Variants in TRANK1 observed in about 807,000 individuals in gnomAD.
The protein encoded by TRANK1 is TPR and ankyrin repeat-containing protein 1.
A neutral mutation model predicts 266.0 loss-of-function variants in TRANK1; 198 were observed. The ratio of observed to expected loss-of-function variants is 0.74; its 90% CI spans 0.66 to 0.84. The LOEUF is 0.84. Among genes scored for constraint, TRANK1 ranks in the 40% least tolerant of loss-of-function variants. The pLI, the probability that TRANK1 is intolerant of heterozygous loss-of-function variation, is 0.00. For missense variants in TRANK1, 3,326 were observed against 3,634.6 expected, an observed-to-expected ratio of 0.92 and a Z score of 2.18; for synonymous variants, 1,396 against 1,384.1, an observed-to-expected ratio of 1.01 and a Z score of -0.19.
rs760269101 is a variant in TRANK1 at position 36,832,834 on chromosome 3, A to T, written c.6749T>A (p.Leu2250His). ...KVFPKILAEELKEIDYILSTD... is the reference protein window; with the variant it reads ...KVFPKILAEEHKEIDYILSTD... Reference sequence around the variant, plus strand: ...AGACAAAATATAATCAATTTCTTTAAGTTCTTCTGCTAAGATTTTAGGGAA... The same window carrying T: ...AGACAAAATATAATCAATTTCTTTATGTTCTTCTGCTAAGATTTTAGGGAA... The change falls in exon 22 of 24, where the codon CTT becomes CAT. Residue 2250 changes from leucine to histidine, a missense_variant. Physicochemically the swap from Leu to His is moderately conservative, Grantham distance 99 (BLOSUM62 -3). Transcript: ENST00000645898. 5.6e-6 allele frequency: 9 copies of T among 1,613,984 alleles called. No homozygotes were observed. Among genetic ancestry groups the T allele is most frequent in the Non-Finnish European group, 7.6e-6 (9 of 1,179,864 alleles).
In TRANK1 at chr3:36,855,624, C is replaced by T. The variant is rs1341399555; in HGVS notation, c.4098G>A (p.Gly1366=). 1 of 1,613,756 alleles carries T rather than the reference C, an allele frequency of 6.2e-7. No individual in the cohort carries two copies. Among genetic ancestry groups the T allele is most frequent in the East Asian group, 2.2e-5 (1 of 44,882 alleles). The change falls in exon 13 of 24, where the codon GGG becomes GGA. Residue 1366 remains glycine, a synonymous_variant. Coordinates refer to ENST00000645898, the MANE Select transcript of TRANK1 (RefSeq NM_001329998.2). ...GSFEALSCPH[G]RLTEEVYKKL... ...TCTTATATACTTCTTCAGTGAGTCT[C>T]CCATGGGGACAGCTGAGGGCCTCAA...
At chr3:36,877,534 T>C (rs988337819) in intron 8 of TRANK1, among the ~76,000 whole-genome samples, 12 of 152,174 alleles carry the variant, frequency 7.9e-5, no homozygotes, top group South Asian at 2.1e-4. Context: ...TTGTTTTCAA[T>C]TGCAAAATGA....
At chr3:36,881,380 C>T (rs931198566) in intron 8 of TRANK1, among the ~76,000 whole-genome samples, 7 of 151,812 alleles carry the variant, frequency 4.6e-5, no homozygotes, top group African/African-American at 1.7e-4. Context: ...ACCCAGGAGG[C>T]AGAGCTTGCA....
In TRANK1 at chr3:36,923,406, C is replaced by T. The variant is rs949853676; in HGVS notation, c.24-14952G>A. Among the ~76,000 whole-genome samples the T allele has an allele frequency of 5.9e-5, 9 of 152,108 alleles. No individual in the cohort carries two copies. In the East Asian group the frequency reaches 7.7e-4, roughly 13 times the overall value. ...GAGTGGCTGGGATTACAGGCGTGCG[C>T]CACCACGCCCAGCTAATTGTTGTAT... On this transcript the variant is annotated intron_variant, in intron 1 of 23. Transcript: ENST00000645898.
intron 8 of TRANK1, among the ~76,000 whole-genome samples, chr3:36,883,812 G>T (rs1265779139): frequency 6.6e-6 from 1 of 152,112 alleles, no homozygotes; most frequent in Non-Finnish European, 1.5e-5. Context: ...AATCAAACAG[G>T]ATGTGGGGCA....
At chr3:36,863,534 A>G (rs1327054840) in intron 10 of TRANK1, among the ~76,000 whole-genome samples, 1 of 152,202 alleles carries the variant, frequency 6.6e-6, no homozygotes, top group Non-Finnish European at 1.5e-5. Flanking sequence ...AAGGCTGACA[A>G]CCTAGCCTCA....
chr3:36,855,907 C>T lies in TRANK1; in HGVS notation c.3815G>A (p.Arg1272Lys). 6.2e-7 allele frequency: 1 copy of T among 1,613,564 alleles called. No homozygotes were observed. Residue 1272 changes from arginine (R) to lysine (K), a missense_variant, in exon 13 of 24, where the codon AGA becomes AAA. Arg to Lys is a conservative substitution (Grantham distance 26, BLOSUM62 2). Transcript: ENST00000645898. The stretch of plus-strand genomic sequence containing the variant: ...CTGTGCAGACCATCCTATGATGGTT[C>T]TTTTCAAGCTTCCATCTTCGTTTCT... Reference protein sequence around the residue: ...FLRNEDGSLKRTIIGWSAQEE... With the variant: ...FLRNEDGSLKKTIIGWSAQEE...
At chr3:36,858,070 C>A in intron 12 of TRANK1, 21 bp from the exon 13 acceptor site, 1 of 1,492,034 alleles carries the variant, frequency 6.7e-7, no homozygotes, top group African/African-American at 1.4e-5. Context: ...CAAACAAAAC[C>A]CTGTGAGCAC....
At chr3:36,938,177 C>T (rs1056256651) in intron 1 of TRANK1, among the ~76,000 whole-genome samples, 17 of 152,098 alleles carry the variant, frequency 1.1e-4, no homozygotes, top group Non-Finnish European at 2.2e-4. Flanking sequence ...CTGGGAGAAT[C>T]GGAGTTCTAG....
At chr3:36,898,850 A>T (rs760423418) in intron 4 of TRANK1, among the ~76,000 whole-genome samples, 3 of 63,636 alleles carry the variant, frequency 4.7e-5, no homozygotes, top group Non-Finnish European at 8.7e-5. Flanking sequence ...ACTCTGTCTC[A>T]AAAAAAAAAA....
Position 36,944,887 on chromosome 3 carries a change from G to C in TRANK1, c.-78C>G, listed in dbSNP as rs904960894. On this transcript the variant is annotated 5_prime_UTR_variant, in exon 1 of 24. Coordinates refer to ENST00000645898, the MANE Select transcript of TRANK1 (RefSeq NM_001329998.2). The stretch of plus-strand genomic sequence containing the variant: ...CCCTGTGGGCAGGGCGCGGCGGGCA[G>C]TGCGGAAGCCCGAAAGCTACCGGAG... The C allele has an allele frequency of 7.4e-7, 1 of 1,348,440 alleles. No homozygotes were observed. Among genetic ancestry groups the C allele is most frequent in the Non-Finnish European group, 9.5e-7 (1 of 1,047,548 alleles). 83.5% of individuals were successfully genotyped at this position (1,348,440 alleles called of 1,614,324 possible). A position where few individuals can be genotyped will look rare whatever the true frequency, so the allele number is the denominator to read the frequency against.
chr3:36,929,562 T>C (rs906766635), intron 1 of TRANK1: 4 of 152,098 alleles, frequency 2.6e-5, no homozygotes, highest in Admixed American at 6.6e-5. Flanking sequence ...TTTAAGTAAA[T>C]TGAAAAAGAG....
At chr3:36,868,922 GA>G (rs1553622790) in intron 9 of TRANK1, among the ~76,000 whole-genome samples, 1 of 152,174 alleles carries the variant, frequency 6.6e-6, no homozygotes, top group Non-Finnish European at 1.5e-5. Flanking sequence ...AAAAGGCCAA[GA>G]ACTAGTAAAT....
In TRANK1 at chr3:36,879,663, A is replaced by AAT. The variant is rs1264209114; in HGVS notation, c.908-5369_908-5368dup. On this transcript the variant is annotated intron_variant, in intron 8 of 23. Transcript: ENST00000645898. The stretch of plus-strand genomic sequence containing the variant: ...ATATACAAATATATATAAATATATA[A>AAT]ATATATATAAATATATAAATATATA... Among the ~76,000 whole-genome samples, 2 of 53,722 alleles carry AAT rather than the reference A, an allele frequency of 3.7e-5. 1 individual carries two copies. Among genetic ancestry groups the AAT allele is most frequent in the Admixed American group, 4.9e-4 (2 of 4,090 alleles). The allele number at this position is 53,722 out of a possible 152,430, so 35.2% of individuals were successfully genotyped here. A position where few individuals can be genotyped will look rare whatever the true frequency, so the allele number is the denominator to read the frequency against.
At chr3:36,888,129 TG>T (rs1370899751) in intron 8 of TRANK1, among the ~76,000 whole-genome samples, 2 of 152,222 alleles carry the variant, frequency 1.3e-5, no homozygotes, top group African/African-American at 4.8e-5. Flanking sequence ...AAACAAAATG[TG>T]GTATATTTAT....
chr3:36,848,043 G>A (rs2078938400), intron 15 of TRANK1, among the ~76,000 whole-genome samples: 1 of 152,066 alleles, frequency 6.6e-6, no homozygotes, highest in South Asian at 2.1e-4. Context: ...ACAAACACCA[G>A]GGGTTGCTAA....
chr3:36,911,609 A>G (rs1485844805), intron 1 of TRANK1, among the ~76,000 whole-genome samples: 1 of 152,238 alleles, frequency 6.6e-6, no homozygotes, highest in Non-Finnish European at 1.5e-5. Flanking sequence ...AAGGTGAAAG[A>G]AGGAATGCCA....
At chr3:36,940,765 C>A (rs892353777) in intron 1 of TRANK1, among the ~76,000 whole-genome samples, 1 of 152,180 alleles carries the variant, frequency 6.6e-6, no homozygotes, top group African/African-American at 2.4e-5. Context: ...ATATTTACAT[C>A]CTCCATACCC....
At chr3:36,888,273 G>A (rs1252210085) in intron 8 of TRANK1, among the ~76,000 whole-genome samples, 7 of 152,184 alleles carry the variant, frequency 4.6e-5, no homozygotes, top group African/African-American at 1.7e-4. Context: ...CCAGTTACAT[G>A]AAATATCCAG....
Sources: allele counts gnomAD v4.1 joint callset (sites outside exome capture counted in the v4.1 genomes callset), GRCh38; gene constraint gnomAD v4.1.1; transcripts MANE v1.5; gene names NCBI Gene and HGNC (gene_info 2026-07-23, HGNC 2026-07-21).